The following DCDC1 variants were observed in gnomAD, a reference collection of about 807,000 sequenced individuals.
DCDC1 encodes doublecortin domain containing 1.
A neutral mutation model predicts 178.3 loss-of-function variants in DCDC1; 200 were observed. That is an observed-to-expected ratio of 1.12 (90% confidence interval 1.00 to 1.26). The LOEUF (loss-of-function observed/expected upper bound fraction) is 1.26, where lower values mean the gene tolerates loss of function less well. Ranked by LOEUF, DCDC1 falls within the 50% of genes most tolerant of loss-of-function variation. The probability of loss-of-function intolerance (pLI) is 0.00; values close to 1 mark genes in which losing one functional copy is unlikely to be tolerated. For missense variants in DCDC1, 1,983 were observed against 1,749.2 expected (o/e 1.13, Z -2.38); for synonymous variants, 690 against 604.8 (o/e 1.14, Z -2.07).
In DCDC1 at chr11:30,899,552, C is replaced by A. The variant is rs1237602773; in HGVS notation, c.4754G>T (p.Arg1585Ile). ...ADLDTMRHKM[R>I]QLKGRRVAAC... The stretch of plus-strand genomic sequence containing the variant: ...TAGTTCATACTGACCTTTTAACTGT[C>A]TCATTTTGTGTCTCATGGTATCTAG... The change falls in exon 34 of 39, where the codon AGA becomes ATA. Residue 1585 changes from arginine to isoleucine, a missense_variant. By Grantham distance (97) the Arg-to-Ile change is moderately conservative (BLOSUM62 -3). Coordinates refer to ENST00000684477, the MANE Select transcript of DCDC1 (RefSeq NM_001387274.1). 16 of 1,568,412 alleles carry A rather than the reference C, an allele frequency of 1.0e-5. No individual in the cohort carries two copies. The highest frequency in any genetic ancestry group is 1.4e-5 in the African/African-American group (1 of 73,402).
chr11:31,069,993 A>G (rs1956457180), intron 18 of DCDC1, among the ~76,000 whole-genome samples: 1 of 152,206 alleles, frequency 6.6e-6, no homozygotes, highest in Admixed American at 6.5e-5. Flanking sequence ...AGTTTGGCAA[A>G]GGTGGCAGAC....
intron 9 of DCDC1, among the ~76,000 whole-genome samples, chr11:31,155,244 G>T (rs1393374452): frequency 6.6e-6 from 1 of 152,136 alleles, no homozygotes; most frequent in Non-Finnish European, 1.5e-5. Flanking sequence ...TAGAACCTAG[G>T]TCTTTTGATA....
At chr11:31,003,885 T>C (rs1951702215) in intron 20 of DCDC1, among the ~76,000 whole-genome samples, 1 of 152,126 alleles carries the variant, frequency 6.6e-6, no homozygotes, top group South Asian at 2.1e-4. Flanking sequence ...GCAAGAGGAA[T>C]TTTCAAGAAT....
At chr11:31,341,382 T>TTAG (rs1950529192) in intron 1 of DCDC1, among the ~76,000 whole-genome samples, 1 of 134,678 alleles carries the variant, frequency 7.4e-6, no homozygotes, top group African/African-American at 2.8e-5. Flanking sequence ...ATTCCAGTTT[T>TTAG]ATAGATAGAT....
rs746731854 is a variant in DCDC1 at position 31,263,053 on chromosome 11, C to A, written c.1054+2454G>T. ...TGCCTCTGGCATCCATGAAGTATCACGTCTCAGAGTCAGTGCTTTCCTGTT... is the reference window on the plus strand; with the variant it reads ...TGCCTCTGGCATCCATGAAGTATCAAGTCTCAGAGTCAGTGCTTTCCTGTT... On this transcript the variant is annotated intron_variant, in intron 8 of 38. Coordinates refer to ENST00000684477, the MANE Select transcript of DCDC1 (RefSeq NM_001387274.1). The A allele has an allele frequency of 3.7e-6, 6 of 1,612,816 alleles. No individual in the cohort carries two copies. The Admixed American group carries it at 8.3e-5, about 22-fold the overall frequency.
intron 20 of DCDC1, among the ~76,000 whole-genome samples, chr11:31,033,593 C>T (rs960308519): frequency 6.6e-6 from 1 of 152,104 alleles, no homozygotes; most frequent in Admixed American, 6.5e-5. Context: ...CCCAGTTGGG[C>T]ATAGCTATTA....
intron 7 of DCDC1, among the ~76,000 whole-genome samples, chr11:31,278,867 G>A (rs922518277): frequency 6.6e-6 from 1 of 151,858 alleles, no homozygotes; most frequent in African/African-American, 2.4e-5. Context: ...AAAGAAATCA[G>A]GTAGTATAAA....
At chr11:31,355,186 C>T (rs1951276373) in intron 1 of DCDC1, among the ~76,000 whole-genome samples, 1 of 152,024 alleles carries the variant, frequency 6.6e-6, no homozygotes, top group South Asian at 2.1e-4. Flanking sequence ...TGAAGAATAC[C>T]TCTTATTTGG....
chr11:31,198,618 C>A (rs1355732682), intron 9 of DCDC1, among the ~76,000 whole-genome samples: 1 of 151,948 alleles, frequency 6.6e-6, no homozygotes, highest in Non-Finnish European at 1.5e-5. Flanking sequence ...ACAGTCATGC[C>A]CTTGGCCTCC....
chr11:31,106,145 A>G (rs1958828487), intron 13 of DCDC1, among the ~76,000 whole-genome samples: 2 of 152,190 alleles, frequency 1.3e-5, no homozygotes, highest in African/African-American at 4.8e-5. Flanking sequence ...GCAGGAATTT[A>G]CCAATCTACA....
chr11:31,302,142 C>T (rs1045315068), intron 6 of DCDC1, among the ~76,000 whole-genome samples: 1 of 152,118 alleles, frequency 6.6e-6, no homozygotes, highest in African/African-American at 2.4e-5. Flanking sequence ...TACAACAGAA[C>T]TTGGACCTAA....
chr11:31,093,220 C>G (rs1957924645), intron 16 of DCDC1, among the ~76,000 whole-genome samples: 1 of 152,084 alleles, frequency 6.6e-6, no homozygotes, highest in Admixed American at 6.5e-5. Flanking sequence ...GTCTTAGTAC[C>G]TTTGTGTCTT....
intron 38 of DCDC1, among the ~76,000 whole-genome samples, chr11:30,867,686 G>A (rs771454969): frequency 3.3e-5 from 5 of 152,150 alleles, no homozygotes; most frequent in Non-Finnish European, 7.3e-5. Context: ...TGTTGCTCTG[G>A]TGAGATTTAA....
intron 7 of DCDC1, among the ~76,000 whole-genome samples, chr11:31,282,181 CAAT>C (rs1476739987): frequency 6.6e-6 from 1 of 152,016 alleles, no homozygotes; most frequent in Non-Finnish European, 1.5e-5. Flanking sequence ...TAAAATTCAA[CAAT>C]GAGATCATTT....
chr11:31,107,284 G>C (rs962291579), intron 12 of DCDC1, among the ~76,000 whole-genome samples: 2 of 152,138 alleles, frequency 1.3e-5, no homozygotes, highest in African/African-American at 2.4e-5. Flanking sequence ...GGTCCTCTTT[G>C]ATAAGGGTTA....
chr11:30,970,453 A>G (rs1036670995), intron 20 of DCDC1, among the ~76,000 whole-genome samples: 5 of 152,144 alleles, frequency 3.3e-5, no homozygotes, highest in African/African-American at 1.2e-4. Context: ...CTGAAGTGCA[A>G]GCTGTAAGTT....
At chr11:31,301,061 T>G (rs912222641) in intron 6 of DCDC1, among the ~76,000 whole-genome samples, 2 of 152,226 alleles carry the variant, frequency 1.3e-5, no homozygotes, top group African/African-American at 4.8e-5. Flanking sequence ...GATATTCTAT[T>G]CTTTTATTTA....
chr11:31,255,545 T>C (rs1033882947), intron 8 of DCDC1, among the ~76,000 whole-genome samples: 8 of 152,152 alleles, frequency 5.3e-5, no homozygotes, highest in African/African-American at 1.9e-4. Flanking sequence ...TAGTACTTCA[T>C]TGTAATTTTT....
At chr11:31,223,066 C>T (rs1489330527) in intron 9 of DCDC1, among the ~76,000 whole-genome samples, 1 of 152,074 alleles carries the variant, frequency 6.6e-6, no homozygotes, top group African/African-American at 2.4e-5. Context: ...GAAATAGTTA[C>T]ATTGGTACAA....
Sources: allele counts gnomAD v4.1 joint callset (sites outside exome capture counted in the v4.1 genomes callset), GRCh38; gene constraint gnomAD v4.1.1; transcripts MANE v1.5; gene names NCBI Gene and HGNC (gene_info 2026-07-23, HGNC 2026-07-21).